Variants in POLA1 observed in about 807,000 individuals in gnomAD.
POLA1 encodes DNA polymerase alpha catalytic subunit.
A neutral mutation model predicts 124.0 loss-of-function variants in POLA1; 15 were observed. The observed-to-expected ratio is 0.12, with a 90% CI of 0.08 to 0.19. POLA1 has a LOEUF of 0.19. Ranked by LOEUF, POLA1 falls within the 10% of genes least tolerant of loss-of-function variation. The pLI is 1.00. For synonymous variants in POLA1, 408 were observed against 389.4 expected (o/e 1.05, Z -0.56); for missense variants, 886 against 1,103.4 (o/e 0.80, Z 2.79).
At chrX:24,811,488 C>T (rs925580852) in intron 28 of POLA1, among the ~76,000 whole-genome samples, 3 of 109,936 alleles carry the variant, frequency 2.7e-5, no homozygotes, top group African/African-American at 1.0e-4. Context: ...CGGGGTTTCA[C>T]CATGTTGGCC....
At chrX:24,927,903 A>G (rs1386990273) in intron 35 of POLA1, among the ~76,000 whole-genome samples, 1 of 112,110 alleles carries the variant, frequency 8.9e-6, no homozygotes, top group Non-Finnish European at 1.9e-5. Flanking sequence ...CAAAAGAGAA[A>G]AGATGGTAAA....
intron 35 of POLA1, among the ~76,000 whole-genome samples, chrX:24,897,279 G>A (rs2047217915): frequency 9.0e-6 from 1 of 111,021 alleles, no homozygotes; most frequent in Non-Finnish European, 1.9e-5. Context: ...ACTTTGGGAG[G>A]AAAACAGGCA....
intron 36 of POLA1, among the ~76,000 whole-genome samples, chrX:24,957,276 GGAATT>G (rs2048116812): frequency 8.9e-6 from 1 of 112,253 alleles, no homozygotes; most frequent in African/African-American, 3.2e-5. Context: ...ATGGTCCTGT[GGAATT>G]GTCTGATGTT....
intron 35 of POLA1, among the ~76,000 whole-genome samples, chrX:24,891,733 A>C (rs766836765): frequency 8.9e-6 from 1 of 112,155 alleles, no homozygotes; most frequent in Non-Finnish European, 1.9e-5. Flanking sequence ...GGTGCTAGAA[A>C]CATGTTAATG....
intron 36 of POLA1, among the ~76,000 whole-genome samples, chrX:24,966,778 T>C (rs1052139721): frequency 8.9e-6 from 1 of 112,136 alleles, no homozygotes; most frequent in Non-Finnish European, 1.9e-5. Context: ...CGTGTTAAAT[T>C]CAAAATGCTT....
rs139221114 is a variant in POLA1, at chrX:24,750,679, G to A, written c.2964+1687G>A. Among the ~76,000 whole-genome samples, 31 of 112,142 alleles carry A rather than the reference G, an allele frequency of 2.8e-4. 1 individual carries two copies. Among genetic ancestry groups the A allele is most frequent in the African/African-American group, 8.4e-4 (26 of 30,961 alleles). ...AGAATCCTTTGAAATAGATAATAAC[G>A]TTTTCATTTTTTAGATGAGGAAGTT... On this transcript the variant is annotated intron_variant, in intron 26 of 36. Transcript: ENST00000379068.
chrX:24,766,823 G>T (rs910496745), intron 26 of POLA1, among the ~76,000 whole-genome samples: 2 of 111,620 alleles, frequency 1.8e-5, no homozygotes, highest in African/African-American at 6.5e-5. Context: ...TTAGAATTAT[G>T]GTAGGTGTAG....
intron 36 of POLA1, among the ~76,000 whole-genome samples, chrX:24,948,239 G>A (rs960907621): frequency 3.6e-5 from 4 of 111,443 alleles, no homozygotes; most frequent in African/African-American, 3.3e-5. Flanking sequence ...GTTTTATAGC[G>A]TTGATAACAG....
At chrX:24,972,776 T>G (rs866115225) in intron 36 of POLA1, among the ~76,000 whole-genome samples, 1 of 112,285 alleles carries the variant, frequency 8.9e-6, no homozygotes, top group Middle Eastern at 4.6e-3. Context: ...TCTGACAAGA[T>G]GAGAGAGTTT....
chrX:24,877,397 C>T (rs993373438), intron 34 of POLA1, among the ~76,000 whole-genome samples: 1 of 111,718 alleles, frequency 9.0e-6, no homozygotes, highest in African/African-American at 3.2e-5. Flanking sequence ...ACTGATGTGC[C>T]GCATTTGAGC....
intron 36 of POLA1, among the ~76,000 whole-genome samples, chrX:24,993,495 T>C (rs1013397906): frequency 2.7e-5 from 3 of 112,835 alleles, no homozygotes; most frequent in African/African-American, 9.7e-5. Flanking sequence ...ATCAGGGTTT[T>C]ACTGGCCACA....
At chrX:24,862,700 A>G (rs1202656454) in intron 34 of POLA1, among the ~76,000 whole-genome samples, 2 of 112,178 alleles carry the variant, frequency 1.8e-5, no homozygotes, top group Non-Finnish European at 3.8e-5. Flanking sequence ...GCTTTACATC[A>G]GTCACAAGAG....
chrX:24,745,360 ATGT>A, intron 23 of POLA1, 55 bp from the exon 24 acceptor site: 1 of 866,266 alleles, frequency 1.2e-6, no homozygotes, highest in East Asian at 3.1e-5. Context: ...TTTAATAATG[ATGT>A]TTTGACAATT....
intron 34 of POLA1, among the ~76,000 whole-genome samples, chrX:24,882,360 C>T (rs918155639): frequency 9.0e-6 from 1 of 111,199 alleles, no homozygotes; most frequent in Non-Finnish European, 1.9e-5. Context: ...AGGGGGCACA[C>T]GTGCAGGTTT....
At chrX:24,736,042 A>G (rs1009583657) in intron 18 of POLA1, among the ~76,000 whole-genome samples, 3 of 111,009 alleles carry the variant, frequency 2.7e-5, no homozygotes, top group African/African-American at 9.8e-5. Flanking sequence ...ATTTTGTTTT[A>G]TATATCCTCT....
At chrX:24,703,052 C>T (rs750396695) in intron 2 of POLA1, among the ~76,000 whole-genome samples, 199 bp from the exon 3 acceptor site, 1 of 112,042 alleles carries the variant, frequency 8.9e-6, no homozygotes, top group South Asian at 3.7e-4. Context: ...TAACACCCAC[C>T]TAAAAGGAAT....
rs748147898 is a variant in POLA1 at position 24,727,592 on chromosome X, T to TA, written c.1532-189dup. Among the ~76,000 whole-genome samples the TA allele has an allele frequency of 2.3e-4, 26 of 112,302 alleles. No homozygotes were observed. In the South Asian group the frequency reaches 5.9e-3, roughly 26 times the overall value. On this transcript the variant is annotated intron_variant, in intron 14 of 36. Transcript: ENST00000379068. ...GACCTCTTTCCCAGGAAAATGAACA[T>TA]ATGTACACACACGTGAGGATTTGCA...
At chrX:24,778,042 A>G (rs1229178995) in intron 26 of POLA1, among the ~76,000 whole-genome samples, 1 of 112,392 alleles carries the variant, frequency 8.9e-6, no homozygotes, top group Non-Finnish European at 1.9e-5. Context: ...ATATTTGTAT[A>G]CCTTTTGGAA....
At chrX:24,899,538 C>T (rs1459880464) in intron 35 of POLA1, among the ~76,000 whole-genome samples, 1 of 111,482 alleles carries the variant, frequency 9.0e-6, no homozygotes, top group Non-Finnish European at 1.9e-5. Context: ...CCTAAAAATG[C>T]ACCGAATTCC....
Sources: allele counts gnomAD v4.1 joint callset (sites outside exome capture counted in the v4.1 genomes callset), GRCh38; gene constraint gnomAD v4.1.1; transcripts MANE v1.5; gene names NCBI Gene and HGNC (gene_info 2026-07-23, HGNC 2026-07-21).